The following SDHAF3 variants were observed in gnomAD, a reference collection of about 807,000 sequenced individuals.
The protein encoded by SDHAF3 is succinate dehydrogenase assembly factor 3, mitochondrial.
In SDHAF3, 18 loss-of-function variants were observed where a neutral mutation model predicts 11.5. The ratio of observed to expected loss-of-function variants is 1.56; its 90% CI spans 1.08 to 2.32. The LOEUF (loss-of-function observed/expected upper bound fraction) is 2.32, where lower values mean the gene tolerates loss of function less well. Among genes scored for constraint, SDHAF3 ranks in the 30% most tolerant of loss-of-function variants. The probability of loss-of-function intolerance (pLI) is 0.00; values close to 1 mark genes in which losing one functional copy is unlikely to be tolerated. For synonymous variants in SDHAF3, 72 were observed against 59.3 expected (o/e 1.21, Z -0.99); for missense variants, 200 against 154.4 (o/e 1.30, Z -1.57).
intron 1 of SDHAF3, among the ~76,000 whole-genome samples, chr7:97,162,705 TGA>T (rs1364897254): frequency 6.6e-6 from 1 of 152,234 alleles, no homozygotes; most frequent in Non-Finnish European, 1.5e-5. Context: ...CGATTTTGGG[TGA>T]GTTTCTTAAT....
chr7:97,162,876 G>T (rs1337879427), intron 1 of SDHAF3, among the ~76,000 whole-genome samples: 4 of 152,044 alleles, frequency 2.6e-5, no homozygotes, highest in African/African-American at 9.7e-5. Context: ...GTTGATTTGG[G>T]GTGGAGAGTT....
intron 1 of SDHAF3, among the ~76,000 whole-genome samples, chr7:97,145,127 T>C (rs1205909804): frequency 2.6e-5 from 4 of 152,068 alleles, no homozygotes; most frequent in South Asian, 2.1e-4. Context: ...ATTGGTGTAT[T>C]GAAGAGCTAC....
At chr7:97,150,590 G>A (rs1789204131) in intron 1 of SDHAF3, among the ~76,000 whole-genome samples, 1 of 140,484 alleles carries the variant, frequency 7.1e-6, no homozygotes, top group Non-Finnish European at 1.5e-5. Flanking sequence ...TTGAGATGGG[G>A]TCTCGCTCTG....
chr7:97,124,599 T>G (rs550746842), intron 1 of SDHAF3, among the ~76,000 whole-genome samples: 2 of 152,358 alleles, frequency 1.3e-5, no homozygotes, highest in South Asian at 2.1e-4. Context: ...TATGGCCATT[T>G]TAGCAATATT....
At chr7:97,148,257 G>A (rs143053026) in intron 1 of SDHAF3, among the ~76,000 whole-genome samples, 215 of 152,206 alleles carry the variant, frequency 1.4e-3, no homozygotes, top group Middle Eastern at 6.8e-3. Flanking sequence ...ATTTCCAGCC[G>A]GGCACAGTGG....
chr7:97,141,472 C>G (rs12667059), intron 1 of SDHAF3, among the ~76,000 whole-genome samples: 8,870 of 152,170 alleles, frequency 0.058, 655 homozygotes, highest in East Asian at 0.29. Flanking sequence ...TAAAATTTCT[C>G]TCTTTTGTAC....
At chr7:97,159,434 A>G (rs540272185) in intron 1 of SDHAF3, among the ~76,000 whole-genome samples, 1 of 152,244 alleles carries the variant, frequency 6.6e-6, no homozygotes, top group African/African-American at 2.4e-5. Context: ...TTTTCCCCCA[A>G]TATCCCTTGC....
chr7:97,118,795 C>G (rs1401666740), intron 1 of SDHAF3, among the ~76,000 whole-genome samples: 1 of 151,870 alleles, frequency 6.6e-6, no homozygotes, highest in Non-Finnish European at 1.5e-5. Context: ...AAAAAAAAAT[C>G]AAAAGAATGG....
chr7:97,125,832 T>G (rs1791564946), intron 1 of SDHAF3, among the ~76,000 whole-genome samples: 3 of 152,256 alleles, frequency 2.0e-5, no homozygotes, highest in Admixed American at 1.3e-4. Flanking sequence ...AGCCTACTTC[T>G]GTCAATTCAT....
At chr7:97,123,932 T>C (rs1791537074) in intron 1 of SDHAF3, among the ~76,000 whole-genome samples, 3 of 152,026 alleles carry the variant, frequency 2.0e-5, no homozygotes, top group African/African-American at 7.2e-5. Flanking sequence ...AAAAATTTTC[T>C]CCCGTTCTGT....
intron 1 of SDHAF3, among the ~76,000 whole-genome samples, chr7:97,178,646 C>T (rs1487507506): frequency 6.6e-6 from 1 of 151,994 alleles, no homozygotes; most frequent in Non-Finnish European, 1.5e-5. Context: ...TGTACTTGGC[C>T]ATCTGTATAT....
chr7:97,137,492 G>A (rs1046695224), intron 1 of SDHAF3, among the ~76,000 whole-genome samples: 1 of 152,230 alleles, frequency 6.6e-6, no homozygotes, highest in Non-Finnish European at 1.5e-5. Flanking sequence ...TGTTCAAAAT[G>A]TAGGCCTTGA....
chr7:97,124,994 C>A (rs1461827273), intron 1 of SDHAF3, among the ~76,000 whole-genome samples: 1 of 152,048 alleles, frequency 6.6e-6, no homozygotes, highest in African/African-American at 2.4e-5. Flanking sequence ...TTTTCTCTTG[C>A]CTGATTGCTC....
chr7:97,177,713 C>CTAT (rs1789702305), intron 1 of SDHAF3, among the ~76,000 whole-genome samples: 1 of 152,152 alleles, frequency 6.6e-6, no homozygotes, highest in Non-Finnish European at 1.5e-5. Context: ...CTCCAGTCTA[C>CTAT]TATTAAGTGA....
chr7:97,163,333 G>A (rs767108612), intron 1 of SDHAF3, among the ~76,000 whole-genome samples: 1 of 152,022 alleles, frequency 6.6e-6, no homozygotes, highest in African/African-American at 2.4e-5. Flanking sequence ...GTAGAGACAG[G>A]GTTTCACCCT....
chr7:97,126,993 T>C (rs1005031697), intron 1 of SDHAF3, among the ~76,000 whole-genome samples: 2 of 152,164 alleles, frequency 1.3e-5, no homozygotes, highest in African/African-American at 4.8e-5. Flanking sequence ...AAAAGCATAG[T>C]ATCTGGGCCG....
At chr7:97,135,682 A>ATTTTTT (rs56154838) in intron 1 of SDHAF3, 2 of 61,836 alleles carry the variant, frequency 3.2e-5, no homozygotes, top group African/African-American at 1.5e-4. Context: ...ATATATATAT[A>ATTTTTT]TTTTTTTTTT....
intron 1 of SDHAF3, among the ~76,000 whole-genome samples, chr7:97,149,607 G>A (rs1053838640): frequency 1.3e-5 from 2 of 152,154 alleles, no homozygotes; most frequent in Non-Finnish European, 2.9e-5. Context: ...GTGTGTCGTA[G>A]CATTGTCTTA....
At chr7:97,158,431 G>A (rs201093017) in intron 1 of SDHAF3, among the ~76,000 whole-genome samples, 3 of 152,082 alleles carry the variant, frequency 2.0e-5, no homozygotes, top group Non-Finnish European at 2.9e-5. Context: ...GGGTTCAAGC[G>A]ATTCTCATGC....
Sources: allele counts gnomAD v4.1 joint callset (sites outside exome capture counted in the v4.1 genomes callset), GRCh38; gene constraint gnomAD v4.1.1; transcripts MANE v1.5; gene names NCBI Gene and HGNC (gene_info 2026-07-23, HGNC 2026-07-21).